The following CCSER1 variants were observed in gnomAD, a reference collection of about 807,000 sequenced individuals.
CCSER1 encodes the protein serine-rich coiled-coil domain-containing protein 1.
A neutral mutation model predicts 82.0 loss-of-function variants in CCSER1; 41 were observed. The ratio of observed to expected loss-of-function variants is 0.50; its 90% confidence interval spans 0.39 to 0.65. The LOEUF is 0.65. CCSER1 is among the 30% of genes least tolerant of loss of function. The pLI is 0.00. For missense variants in CCSER1, 1,119 were observed against 1,064.2 expected, an observed-to-expected ratio of 1.05 and a Z score of -0.72; for synonymous variants, 414 against 383.9, an observed-to-expected ratio of 1.08 and a Z score of -0.92.
At chr4:91,251,050 A>G (rs1307442011) in intron 10 of CCSER1, among the ~76,000 whole-genome samples, 1 of 152,182 alleles carries the variant, frequency 6.6e-6, no homozygotes, top group Non-Finnish European at 1.5e-5. Flanking sequence ...AAGTAGGTAT[A>G]CCCATTGTCC....
chr4:91,079,158 AG>A, intron 9 of CCSER1, among the ~76,000 whole-genome samples: 1 of 152,310 alleles, frequency 6.6e-6, no homozygotes, highest in Admixed American at 6.5e-5. Context: ...AAAGGAAAAA[AG>A]GTTAAGGGCA....
intron 10 of CCSER1, among the ~76,000 whole-genome samples, chr4:91,206,387 G>T (rs192376856): frequency 6.6e-6 from 1 of 152,000 alleles, no homozygotes; most frequent in Non-Finnish European, 1.5e-5. Context: ...CCTTCAAGGC[G>T]CTGAAAAGCG....
chr4:91,345,981 G>A (rs1748026396), intron 10 of CCSER1, among the ~76,000 whole-genome samples: 1 of 151,678 alleles, frequency 6.6e-6, no homozygotes, highest in African/African-American at 2.4e-5. Context: ...TTAGCAATAT[G>A]CATTTAAGAT....
intron 10 of CCSER1, among the ~76,000 whole-genome samples, chr4:91,476,163 G>T (rs1757582552): frequency 6.6e-6 from 1 of 151,684 alleles, no homozygotes; most frequent in Non-Finnish European, 1.5e-5. Context: ...TTCATCAGTG[G>T]GATGGGTAGA....
At chr4:90,471,698 G>A (rs1764424961) in intron 5 of CCSER1, among the ~76,000 whole-genome samples, 2 of 151,996 alleles carry the variant, frequency 1.3e-5, no homozygotes, top group South Asian at 4.2e-4. Context: ...AGATAGGGCT[G>A]GACGTGGTGA....
intron 4 of CCSER1, among the ~76,000 whole-genome samples, chr4:90,465,782 G>A (rs1287922043): frequency 4.6e-5 from 7 of 152,136 alleles, no homozygotes; most frequent in African/African-American, 1.7e-4. Context: ...GTACTGAAGT[G>A]CTAGTAAAGA....
intron 7 of CCSER1, among the ~76,000 whole-genome samples, chr4:90,748,727 T>C (rs1358022238): frequency 6.7e-6 from 1 of 148,968 alleles, no homozygotes; most frequent in Non-Finnish European, 1.5e-5. Context: ...ATGATTGCCA[T>C]TCTAACTGGT....
At chr4:90,458,667 G>T (rs1328581511) in intron 4 of CCSER1, among the ~76,000 whole-genome samples, 1 of 152,158 alleles carries the variant, frequency 6.6e-6, no homozygotes, top group Non-Finnish European at 1.5e-5. Flanking sequence ...GCCACAATAA[G>T]TTTTAATGGT....
intron 10 of CCSER1, among the ~76,000 whole-genome samples, chr4:91,264,369 A>G (rs953083014): frequency 6.6e-6 from 1 of 151,808 alleles, no homozygotes; most frequent in Admixed American, 6.6e-5. Flanking sequence ...AATCTTTCTC[A>G]TTTCTAATAT....
At chr4:90,841,598 A>G (rs1261900661) in intron 8 of CCSER1, among the ~76,000 whole-genome samples, 1 of 148,274 alleles carries the variant, frequency 6.7e-6, no homozygotes, top group Non-Finnish European at 1.5e-5. Context: ...AAAAAAAAAA[A>G]GAAGAAGAAG....
intron 6 of CCSER1, among the ~76,000 whole-genome samples, chr4:90,716,443 T>C (rs192111503): frequency 7.2e-5 from 11 of 152,246 alleles, no homozygotes; most frequent in Admixed American, 3.3e-4. Context: ...TATTGTTAAC[T>C]TTCCAGCCTA....
chr4:91,297,205 C>T (rs987041947), intron 10 of CCSER1, among the ~76,000 whole-genome samples: 22 of 151,844 alleles, frequency 1.4e-4, no homozygotes, highest in African/African-American at 5.3e-4. Context: ...CCTTTTTCTT[C>T]TCCTCTCTTT....
intron 10 of CCSER1, among the ~76,000 whole-genome samples, chr4:91,164,233 C>T (rs890174640): frequency 6.6e-6 from 1 of 152,086 alleles, no homozygotes; most frequent in Non-Finnish European, 1.5e-5. Flanking sequence ...AAAATTCTTT[C>T]CTTTAAGAAT....
chr4:91,154,102 C>G (rs1397640580), intron 10 of CCSER1, among the ~76,000 whole-genome samples: 1 of 151,984 alleles, frequency 6.6e-6, no homozygotes, highest in East Asian at 1.9e-4. Flanking sequence ...TGCCCTGCCC[C>G]CAGAGGTGGA....
At chr4:90,136,220 AGCACTCTT>A (rs1356904956) in intron 1 of CCSER1, among the ~76,000 whole-genome samples, 1 of 152,034 alleles carries the variant, frequency 6.6e-6, no homozygotes, top group Non-Finnish European at 1.5e-5. Context: ...GGTGTGGTGG[AGCACTCTT>A]GTAGGTCCTA....
At chr4:91,184,247 G>A (rs983193640) in intron 10 of CCSER1, among the ~76,000 whole-genome samples, 3 of 152,216 alleles carry the variant, frequency 2.0e-5, no homozygotes, top group Admixed American at 6.5e-5. Flanking sequence ...CAAATTGTGG[G>A]ACTGTTTAAC....
intron 1 of CCSER1, among the ~76,000 whole-genome samples, chr4:90,216,666 A>G (rs1373532744): frequency 6.6e-6 from 1 of 152,092 alleles, no homozygotes; most frequent in Non-Finnish European, 1.5e-5. Context: ...TGTTTTGGCT[A>G]CTGTAGCATT....
At chr4:90,254,312 C>G (rs1722884848) in intron 1 of CCSER1, among the ~76,000 whole-genome samples, 1 of 152,166 alleles carries the variant, frequency 6.6e-6, no homozygotes, top group African/African-American at 2.4e-5. Context: ...AGCTGGTGGT[C>G]AGGAAGTCGC....
chr4:91,021,099 A>G (rs1739920017), intron 9 of CCSER1, among the ~76,000 whole-genome samples: 1 of 152,248 alleles, frequency 6.6e-6, no homozygotes, highest in East Asian at 1.9e-4. Context: ...ATATAGATAC[A>G]AGGAAAAATT....
Sources: gnomAD v4.1 joint callset for allele counts (sites outside exome capture counted in the v4.1 genomes callset) on GRCh38, gnomAD v4.1.1 for gene constraint, MANE v1.5 for transcripts, NCBI Gene and HGNC (gene_info 2026-07-23, HGNC 2026-07-21) for gene names.